Variants in NRG1 observed in about 807,000 individuals in gnomAD.
NRG1 encodes pro-neuregulin-1, membrane-bound isoform.
Under a neutral mutation model 63.8 loss-of-function variants are expected in NRG1, and 18 were observed. The ratio of observed to expected loss-of-function variants is 0.28; its 90% CI spans 0.19 to 0.42. The LOEUF (loss-of-function observed/expected upper bound fraction) is 0.42, where lower values mean the gene tolerates loss of function less well. Ranked by LOEUF, NRG1 falls within the 10% of genes least tolerant of loss-of-function variation. NRG1 has a pLI of 1.00. For synonymous variants in NRG1, 302 were observed against 301.3 expected, an observed-to-expected ratio of 1.00 and a Z score of -0.02; for missense variants, 762 against 814.7, an observed-to-expected ratio of 0.94 and a Z score of 0.79.
At chr8:31,968,623 C>T (rs1379762503) in intron 1 of NRG1, among the ~76,000 whole-genome samples, 3 of 152,150 alleles carry the variant, frequency 2.0e-5, no homozygotes, top group Admixed American at 2.0e-4. Context: ...TTTCTGCCCT[C>T]ATTTAATGGA....
chr8:32,707,967 A>G (rs542257244), intron 5 of NRG1, among the ~76,000 whole-genome samples: 19 of 152,102 alleles, frequency 1.2e-4, no homozygotes, highest in South Asian at 1.0e-3. Context: ...TTTAATCTAC[A>G]GGGATACCTT....
At chr8:31,865,280 C>T (rs12550053) in intron 1 of NRG1, among the ~76,000 whole-genome samples, 76,282 of 151,842 alleles carry the variant, frequency 0.5, 19,758 homozygotes, top group East Asian at 0.75. Context: ...GACTGAGGCA[C>T]CAGAGGAAGT....
intron 1 of NRG1, among the ~76,000 whole-genome samples, chr8:31,679,968 A>G (rs901304886): frequency 1.3e-5 from 2 of 152,138 alleles, no homozygotes; most frequent in South Asian, 4.1e-4. Flanking sequence ...TACAAAATAT[A>G]AAGTACCTAG....
At chr8:32,198,903 TTA>T (rs1280656732) in intron 1 of NRG1, among the ~76,000 whole-genome samples, 1 of 151,678 alleles carries the variant, frequency 6.6e-6, no homozygotes, top group Non-Finnish European at 1.5e-5. Context: ...TATATCTTAT[TTA>T]TATGTCTTAT....
chr8:31,986,500 T>C (rs1810093853), intron 1 of NRG1, among the ~76,000 whole-genome samples: 1 of 152,066 alleles, frequency 6.6e-6, no homozygotes, highest in Non-Finnish European at 1.5e-5. Context: ...TGACACAAAT[T>C]TGACTGCCTC....
intron 1 of NRG1, among the ~76,000 whole-genome samples, chr8:32,490,064 G>A (rs1239438721): frequency 6.6e-6 from 1 of 152,192 alleles, no homozygotes; most frequent in Non-Finnish European, 1.5e-5. Context: ...ATCCCAATGG[G>A]AGACCAAGGT....
intron 1 of NRG1, among the ~76,000 whole-genome samples, chr8:32,521,306 G>A (rs1483359778): frequency 6.6e-6 from 1 of 151,998 alleles, no homozygotes; most frequent in African/African-American, 2.4e-5. Flanking sequence ...CTAAATAGTT[G>A]GTTTTGACAA....
intron 1 of NRG1, among the ~76,000 whole-genome samples, chr8:32,243,936 C>T (rs746109846): frequency 2.6e-5 from 4 of 152,130 alleles, no homozygotes; most frequent in African/African-American, 4.8e-5. Flanking sequence ...CATTGATCCT[C>T]GATTTCTCAG....
intron 1 of NRG1, among the ~76,000 whole-genome samples, chr8:31,914,893 T>G (rs1206574752): frequency 6.6e-6 from 1 of 152,074 alleles, no homozygotes; most frequent in African/African-American, 2.4e-5. Context: ...CATATTTTAT[T>G]GCTCAGTGGA....
intron 1 of NRG1, among the ~76,000 whole-genome samples, chr8:31,702,787 C>T (rs542052850): frequency 6.6e-6 from 1 of 152,216 alleles, no homozygotes; most frequent in African/African-American, 2.4e-5. Context: ...CTTATTGTCA[C>T]ACCCCATGAT....
At chr8:31,833,425 G>T (rs921318777) in intron 1 of NRG1, among the ~76,000 whole-genome samples, 2 of 152,064 alleles carry the variant, frequency 1.3e-5, no homozygotes, top group Non-Finnish European at 2.9e-5. Flanking sequence ...TTCTTACCCC[G>T]GAGTGATTAC....
At chr8:32,710,503 C>T (rs1817545509) in intron 5 of NRG1, among the ~76,000 whole-genome samples, 1 of 152,084 alleles carries the variant, frequency 6.6e-6, no homozygotes, top group Admixed American at 6.6e-5. Context: ...TATAACTCAG[C>T]ATATTTATAT....
intron 1 of NRG1, among the ~76,000 whole-genome samples, chr8:32,513,816 G>A (rs1179435055): frequency 2.0e-5 from 3 of 152,096 alleles, no homozygotes; most frequent in African/African-American, 7.2e-5. Flanking sequence ...CAAATTTTAT[G>A]TTTAGGTAGA....
At chr8:32,626,951 C>G (rs528838186) in intron 5 of NRG1, among the ~76,000 whole-genome samples, 2 of 151,444 alleles carry the variant, frequency 1.3e-5, no homozygotes, top group Admixed American at 1.3e-4. Flanking sequence ...AACCTGGGAG[C>G]GGAGGTTGCA....
intron 1 of NRG1, among the ~76,000 whole-genome samples, chr8:31,852,751 T>C (rs1366178574): frequency 1.3e-5 from 2 of 152,240 alleles, no homozygotes; most frequent in Non-Finnish European, 2.9e-5. Context: ...AGGTCTAACA[T>C]TTAAGTCTTT....
At chr8:31,933,483 T>A (rs1835034939) in intron 1 of NRG1, among the ~76,000 whole-genome samples, 1 of 152,068 alleles carries the variant, frequency 6.6e-6, no homozygotes, top group South Asian at 2.1e-4. Flanking sequence ...GGTTTCATCA[T>A]GTTATCCAGG....
At chr8:32,433,836 C>T (rs1818463228) in intron 1 of NRG1, among the ~76,000 whole-genome samples, 1 of 152,060 alleles carries the variant, frequency 6.6e-6, no homozygotes, top group South Asian at 2.1e-4. Flanking sequence ...AATATTTTTT[C>T]TTCCTTGAAC....
intron 1 of NRG1, among the ~76,000 whole-genome samples, chr8:32,040,527 G>A (rs892414507): frequency 6.6e-6 from 1 of 151,332 alleles, no homozygotes; most frequent in African/African-American, 2.4e-5. Flanking sequence ...TGTCAGGTTG[G>A]AAACAAAAGA....
intron 1 of NRG1, among the ~76,000 whole-genome samples, chr8:31,673,880 GTTGT>G (rs61711246): frequency 0.4 from 61,369 of 152,056 alleles, 13,443 homozygotes; most frequent in Non-Finnish European, 0.49. Flanking sequence ...TAAATTTAGA[GTTGT>G]ATGAAGCCAA....
Sources: allele counts gnomAD v4.1 joint callset (sites outside exome capture counted in the v4.1 genomes callset), GRCh38; gene constraint gnomAD v4.1.1; transcripts MANE v1.5; gene names NCBI Gene and HGNC (gene_info 2026-07-23, HGNC 2026-07-21).